WDR45B: variants seen among roughly 807,000 people sequenced by gnomAD.
WDR45B encodes WD repeat domain phosphoinositide-interacting protein 3.
A neutral mutation model predicts 44.6 loss-of-function variants in WDR45B; 20 were observed. That is an observed-to-expected ratio of 0.45 (90% confidence interval 0.32 to 0.65). The LOEUF (loss-of-function observed/expected upper bound fraction) is 0.65. Among genes scored for constraint, WDR45B ranks in the 30% least tolerant of loss-of-function variants. The probability of loss-of-function intolerance (pLI) is 0.05; values close to 1 mark genes in which losing one functional copy is unlikely to be tolerated. For synonymous variants in WDR45B, 169 were observed against 164.9 expected (o/e 1.02, Z -0.19); for missense variants, 323 against 430.2 (o/e 0.75, Z 2.20).
In WDR45B at chr17:82,635,539, C is replaced by G. The variant is rs1192506298; in HGVS notation, c.143-4517G>C. On this transcript the variant is annotated intron_variant, in intron 2 of 9. Coordinates refer to ENST00000392325, the MANE Select transcript of WDR45B (RefSeq NM_019613.4). ...CTCCTGGGTTCAAGTGATTCTCCTG[C>G]CTCAGCCTCCCAAGTAGCTGGGATT... Among the ~76,000 whole-genome samples, 3 of 150,802 alleles carry G rather than the reference C, an allele frequency of 2.0e-5. No individual in the cohort carries two copies. In the South Asian group the frequency reaches 6.3e-4, roughly 32 times the overall value.
At position 82,615,793 on chromosome 17, in the gene WDR45B, G is replaced by A. The variant is rs1221637090; in HGVS notation, c.*126C>T. The A allele has an allele frequency of 6.1e-6, 5 of 823,742 alleles. No homozygotes were observed. The highest frequency in any genetic ancestry group is 1.0e-5 in the Non-Finnish European group (5 of 481,146). 51.0% of individuals were successfully genotyped at this position (823,742 alleles called of 1,614,324 possible). On this transcript the variant is annotated 3_prime_UTR_variant, in exon 10 of 10. Coordinates refer to ENST00000392325, the MANE Select transcript of WDR45B (RefSeq NM_019613.4). Reference sequence around the variant, plus strand: ...TTAGGAAAGCAGACAACCACGTATGGCTTCGAGACCAAGGTCCCTGGGCAG... The same window carrying A: ...TTAGGAAAGCAGACAACCACGTATGACTTCGAGACCAAGGTCCCTGGGCAG...
chr17:82,641,718 A>C (rs761201862), intron 2 of WDR45B, among the ~76,000 whole-genome samples: 2 of 152,124 alleles, frequency 1.3e-5, no homozygotes, highest in Non-Finnish European at 2.9e-5. Context: ...AACACAGTGA[A>C]ACACCGTCTC....
At chr17:82,616,123 C>CA (rs2045531043) in intron 9 of WDR45B, 98 bp from the exon 10 acceptor site, 1 of 1,162,070 alleles carries the variant, frequency 8.6e-7, no homozygotes, top group Non-Finnish European at 1.2e-6. Flanking sequence ...CTCTTGGAGC[C>CA]AGGCAGCTGC....
rs1313721702 is a variant in WDR45B at position 82,615,798 on chromosome 17, G to C, written c.*121C>G. ...AAAGCAGACAACCACGTATGGCTTC[G>C]AGACCAAGGTCCCTGGGCAGCCCCT... On this transcript the variant is annotated 3_prime_UTR_variant, in exon 10 of 10. Coordinates refer to ENST00000392325, the MANE Select transcript of WDR45B (RefSeq NM_019613.4). 1.1e-6 allele frequency: 1 copy of C among 871,650 alleles called. No homozygotes were observed. The highest frequency in any genetic ancestry group is 1.7e-5 in the African/African-American group (1 of 60,410). 54.0% of individuals were successfully genotyped at this position (871,650 alleles called of 1,614,324 possible). A position where few individuals can be genotyped will look rare whatever the true frequency, so the allele number is the denominator to read the frequency against.
At chr17:82,638,620 G>A (rs939194193) in intron 2 of WDR45B, among the ~76,000 whole-genome samples, 1 of 151,902 alleles carries the variant, frequency 6.6e-6, no homozygotes, top group Non-Finnish European at 1.5e-5. Context: ...TTATACAAAT[G>A]AGTGAAAATC....
intron 2 of WDR45B, among the ~76,000 whole-genome samples, chr17:82,632,956 G>C (rs2045786708): frequency 6.6e-6 from 1 of 152,082 alleles, no homozygotes; most frequent in South Asian, 2.1e-4. Context: ...ATTACTTGAG[G>C]TCAGGAGTTC....
chr17:82,616,079 G>C (rs1189621338), intron 9 of WDR45B, 54 bp from the exon 10 acceptor site: 1 of 1,520,528 alleles, frequency 6.6e-7, no homozygotes, highest in Non-Finnish European at 9.0e-7. Context: ...CAAGTTAAAA[G>C]CAACGAGTCC....
In WDR45B at chr17:82,621,709, C is replaced by A. The variant is rs2045620320; in HGVS notation, c.518G>T (p.Ser173Ile). ...TGHVQLVDLA[S>I]TEKPPVDIPA... ...AATGTCCACGGGTGGCTTCTCCGTGCTGGCCAGGTCCACAAGCTGCACATG... is the reference window on the plus strand; with the variant it reads ...AATGTCCACGGGTGGCTTCTCCGTGATGGCCAGGTCCACAAGCTGCACATG... Residue 173 changes from serine (S) to isoleucine (I), a missense_variant, in exon 6 of 10, where the codon AGC becomes ATC. Coordinates refer to ENST00000392325, the MANE Select transcript of WDR45B (RefSeq NM_019613.4). The A allele has an allele frequency of 6.2e-7, 1 of 1,614,212 alleles. No individual in the cohort carries two copies. Among genetic ancestry groups the A allele is most frequent in the Non-Finnish European group, 8.5e-7 (1 of 1,180,030 alleles).
intron 2 of WDR45B, among the ~76,000 whole-genome samples, chr17:82,631,603 T>TTTTTTTTTTTGAGA (rs2045769342): frequency 7.0e-6 from 1 of 143,286 alleles, no homozygotes; most frequent in African/African-American, 2.6e-5. Context: ...TCATTTTTAA[T>TTTTTTTTTTTGAGA]CAGCAATTTA....
At chr17:82,616,744 T>C (rs2045541798) in intron 8 of WDR45B, 99 bp from the exon 9 acceptor site, 1 of 1,471,232 alleles carries the variant, frequency 6.8e-7, no homozygotes, top group Admixed American at 1.8e-5. Flanking sequence ...AAAATGCTCC[T>C]TCATATGGTT....
At chr17:82,631,167 G>T in intron 2 of WDR45B, 145 bp from the exon 3 acceptor site, 1 of 737,020 alleles carries the variant, frequency 1.4e-6, no homozygotes. Context: ...GCCCAGGCTG[G>T]AATGCAGTAG....
intron 6 of WDR45B, 34 bp downstream of exon 6, chr17:82,621,575 G>C: frequency 6.2e-7 from 1 of 1,613,440 alleles, no homozygotes; most frequent in Non-Finnish European, 8.5e-7. Flanking sequence ...TGCTCCAGGA[G>C]GCACAACACC....
At chr17:82,621,053 T>A (rs2045608647) in intron 6 of WDR45B, among the ~76,000 whole-genome samples, 1 of 126,988 alleles carries the variant, frequency 7.9e-6, no homozygotes, top group Non-Finnish European at 1.6e-5. Flanking sequence ...TATTTTTGTT[T>A]CTTTTTTTTT....
Position 82,614,962 on chromosome 17 carries a change from G to A in WDR45B, c.*957C>T, listed in dbSNP as rs979147275. 6.6e-6 allele frequency: 1 copy of A among 152,190 alleles called. No individual in the cohort carries two copies. Among genetic ancestry groups the A allele is most frequent in the African/African-American group, 2.4e-5 (1 of 41,440 alleles). The allele number at this position is 152,190 out of a possible 1,614,324, so 9.4% of individuals were successfully genotyped here. On this transcript the variant is annotated 3_prime_UTR_variant, in exon 10 of 10. Transcript: ENST00000392325. ...TATTCTTACAAATGAGGGGAGGGGA[G>A]ACGGTGGACCTGGGGGCTCGGAGGC...
At chr17:82,644,882 C>T (rs902395967) in intron 1 of WDR45B, among the ~76,000 whole-genome samples, 3 of 152,196 alleles carry the variant, frequency 2.0e-5, no homozygotes, top group Non-Finnish European at 4.4e-5. Context: ...CATTTGAGGC[C>T]GGACGCAGCA....
intron 2 of WDR45B, among the ~76,000 whole-genome samples, chr17:82,642,060 G>A (rs1005968521): frequency 1.4e-4 from 22 of 152,146 alleles, no homozygotes; most frequent in African/African-American, 3.6e-4. Context: ...GGTGGCAGCC[G>A]AGGGAGGGCT....
chr17:82,620,710 A>G lies in WDR45B; in HGVS notation c.618+899T>C, dbSNP rs151145819. ...CACCGGGTTTGCAGTCTTCAATGAAAACTATAGTACAAGATACCAATTTTC... is the reference window on the plus strand; with the variant it reads ...CACCGGGTTTGCAGTCTTCAATGAAGACTATAGTACAAGATACCAATTTTC... On this transcript the variant is annotated intron_variant, in intron 6 of 9. Coordinates refer to ENST00000392325, the MANE Select transcript of WDR45B (RefSeq NM_019613.4). 1.8e-4 allele frequency among the ~76,000 whole-genome samples: 28 copies of G among 152,344 alleles called. 1 individual carries two copies. The East Asian group carries it at 5.4e-3, about 29-fold the overall frequency.
At chr17:82,642,090 C>T (rs1404034018) in intron 2 of WDR45B, among the ~76,000 whole-genome samples, 4 of 152,048 alleles carry the variant, frequency 2.6e-5, no homozygotes. Flanking sequence ...CATAGCCTGT[C>T]CCCCCACACC....
At chr17:82,629,836 TA>T (rs1303356369) in intron 3 of WDR45B, 1 of 985,186 alleles carries the variant, frequency 1.0e-6, no homozygotes, top group African/African-American at 1.7e-5. Flanking sequence ...ATTCTATTCC[TA>T]AGTACGTGAT....
Sources: allele counts gnomAD v4.1 joint callset (sites outside exome capture counted in the v4.1 genomes callset), GRCh38; gene constraint gnomAD v4.1.1; transcripts MANE v1.5; gene names NCBI Gene and HGNC (gene_info 2026-07-23, HGNC 2026-07-21).